Variants in RBFOX1 observed in about 807,000 individuals in gnomAD.
RBFOX1 encodes RNA binding protein fox-1 homolog 1.
Under a neutral mutation model 57.7 loss-of-function variants are expected in RBFOX1, and 8 were observed. The observed-to-expected ratio is 0.14, with a 90% CI of 0.08 to 0.25. RBFOX1 has a LOEUF of 0.25. RBFOX1 is among the 10% of genes least tolerant of loss of function. The pLI is 1.00. For synonymous variants in RBFOX1, 326 were observed against 222.4 expected (o/e 1.47, Z -4.15); for missense variants, 611 against 548.5 (o/e 1.11, Z -1.14).
At chr16:6,289,959 C>G (rs1173083680) in intron 1 of RBFOX1, among the ~76,000 whole-genome samples, 1 of 152,056 alleles carries the variant, frequency 6.6e-6, no homozygotes, top group Non-Finnish European at 1.5e-5. Flanking sequence ...AATGTAACAG[C>G]TTCACAAGGT....
At chr16:7,626,205 T>C (rs1028335732) in intron 10 of RBFOX1, among the ~76,000 whole-genome samples, 3 of 152,122 alleles carry the variant, frequency 2.0e-5, no homozygotes, top group Non-Finnish European at 4.4e-5. Flanking sequence ...ACTTAGGGGG[T>C]TGGCAGCAGA....
chr16:5,627,543 T>C (rs1322248503), intron 3 of RBFOX1, among the ~76,000 whole-genome samples: 3 of 152,068 alleles, frequency 2.0e-5, no homozygotes, highest in African/African-American at 7.2e-5. Flanking sequence ...TATTAAAAAA[T>C]CTCAAACCTT....
intron 3 of RBFOX1, among the ~76,000 whole-genome samples, chr16:6,898,918 T>C (rs965090419): frequency 2.0e-5 from 3 of 151,476 alleles, no homozygotes; most frequent in Admixed American, 1.3e-4. Flanking sequence ...TTTGTGCATA[T>C]GTGTATATGT....
At chr16:5,867,246 A>G in intron 3 of RBFOX1, 1 of 1,120,152 alleles carries the variant, frequency 8.9e-7, no homozygotes, top group Non-Finnish European at 1.1e-6. Flanking sequence ...AAAGACAATT[A>G]ATCCAATTAC....
intron 4 of RBFOX1, among the ~76,000 whole-genome samples, chr16:7,338,936 C>T (rs2096843030): frequency 6.6e-6 from 1 of 152,184 alleles, no homozygotes; most frequent in African/African-American, 2.4e-5. Context: ...CATCAGCATG[C>T]ACACCTGATA....
chr16:6,861,387 G>A (rs1199813109), intron 3 of RBFOX1, among the ~76,000 whole-genome samples: 1 of 151,990 alleles, frequency 6.6e-6, no homozygotes, highest in Non-Finnish European at 1.5e-5. Flanking sequence ...ACAAAAGATG[G>A]ACCAGTCAAG....
intron 4 of RBFOX1, among the ~76,000 whole-genome samples, chr16:7,158,411 A>G (rs529044932): frequency 6.6e-6 from 1 of 152,304 alleles, no homozygotes; most frequent in South Asian, 2.1e-4. Flanking sequence ...CTGATGTAGA[A>G]AGATATACTG....
rs950473867 is a variant in RBFOX1 at position 5,546,837 on chromosome 16, A to G, written c.259-52065A>G. 3.9e-5 allele frequency among the ~76,000 whole-genome samples: 6 copies of G among 152,328 alleles called. 1 individual carries two copies. The Middle Eastern group carries it at 0.014, about 345-fold the overall frequency. ...AGAGTGACCAGCAACATATTTGGAG[A>G]AAATGTCTGCAAACTATATATCTGA... On this transcript the variant is annotated intron_variant, in intron 2 of 2. Coordinates refer to the RBFOX1 transcript ENST00000585867.
chr16:5,807,643 G>A (rs368657751), intron 3 of RBFOX1, among the ~76,000 whole-genome samples: 6 of 152,156 alleles, frequency 3.9e-5, no homozygotes, highest in Non-Finnish European at 7.3e-5. Context: ...TTTAGAACAG[G>A]GATCAATTCT....
intron 3 of RBFOX1, among the ~76,000 whole-genome samples, chr16:6,808,796 C>G (rs940506279): frequency 2.0e-5 from 3 of 152,106 alleles, no homozygotes. Flanking sequence ...TGTCTTCTCC[C>G]AGTCATAACA....
intron 3 of RBFOX1, among the ~76,000 whole-genome samples, chr16:5,770,358 A>T (rs2053936787): frequency 6.6e-6 from 1 of 152,146 alleles, no homozygotes; most frequent in South Asian, 2.1e-4. Flanking sequence ...AGCCGTTCCC[A>T]TCAGTGACAT....
intron 5 of RBFOX1, among the ~76,000 whole-genome samples, chr16:7,559,798 A>C (rs1331714413): frequency 6.6e-6 from 1 of 152,126 alleles, no homozygotes; most frequent in Non-Finnish European, 1.5e-5. Context: ...GGAGTTTCTC[A>C]ATCAGTATTC....
chr16:6,657,824 T>TTTTTATTTTA (rs113616956), intron 3 of RBFOX1, among the ~76,000 whole-genome samples: 170 of 152,046 alleles, frequency 1.1e-3, no homozygotes, highest in Middle Eastern at 0.01. Flanking sequence ...TTTAAAGCTC[T>TTTTTATTTTA]TTTTATTTTA....
chr16:7,410,014 C>T (rs150678797), intron 4 of RBFOX1, among the ~76,000 whole-genome samples: 2 of 152,236 alleles, frequency 1.3e-5, no homozygotes, highest in East Asian at 1.9e-4. Context: ...GGCTGCAATA[C>T]CAGGGTCCCT....
intron 4 of RBFOX1, among the ~76,000 whole-genome samples, chr16:7,223,635 A>C (rs998274341): frequency 6.7e-6 from 1 of 149,782 alleles, no homozygotes; most frequent in Non-Finnish European, 1.5e-5. Context: ...GCATTATGCT[A>C]TTTATTTCAG....
At chr16:5,910,102 C>A (rs2058570772) in intron 4 of RBFOX1, among the ~76,000 whole-genome samples, 1 of 151,956 alleles carries the variant, frequency 6.6e-6, no homozygotes, top group Non-Finnish European at 1.5e-5. Context: ...CTTTGGCAAC[C>A]TGTTTTTAAT....
chr16:6,073,559 G>A (rs1223410180), intron 1 of RBFOX1, among the ~76,000 whole-genome samples: 2 of 152,212 alleles, frequency 1.3e-5, no homozygotes, highest in South Asian at 2.1e-4. Context: ...CATTTCCCCC[G>A]TGTTTGCTTT....
At chr16:6,692,629 A>G (rs2060363788) in intron 3 of RBFOX1, among the ~76,000 whole-genome samples, 1 of 57,912 alleles carries the variant, frequency 1.7e-5, no homozygotes, top group Non-Finnish European at 5.8e-5. Flanking sequence ...TTTTCCATCC[A>G]AACACATTTT....
chr16:5,900,686 T>C (rs529233629), intron 4 of RBFOX1, among the ~76,000 whole-genome samples: 1 of 152,260 alleles, frequency 6.6e-6, no homozygotes, highest in East Asian at 1.9e-4. Flanking sequence ...ATCGCAGCTC[T>C]CCAGCAAGTC....
Sources: allele counts gnomAD v4.1 joint callset (sites outside exome capture counted in the v4.1 genomes callset), GRCh38; gene constraint gnomAD v4.1.1; transcripts MANE v1.5; gene names NCBI Gene and HGNC (gene_info 2026-07-23, HGNC 2026-07-21).